The following LGALS9 variants were observed in gnomAD, a reference collection of about 807,000 sequenced individuals.
LGALS9 encodes galectin-9.
A neutral mutation model predicts 35.9 loss-of-function variants in LGALS9; 26 were observed. The observed-to-expected ratio is 0.72, with a 90% CI of 0.53 to 1.01. The LOEUF is 1.01. Ranked by LOEUF, LGALS9 falls within the 50% of genes least tolerant of loss-of-function variation. The pLI, the probability that LGALS9 is intolerant of heterozygous loss-of-function variation, is 0.00. For synonymous variants in LGALS9, 149 were observed against 172.2 expected, an observed-to-expected ratio of 0.87 and a Z score of 1.06; for missense variants, 347 against 445.8, an observed-to-expected ratio of 0.78 and a Z score of 1.99.
chr17:27,642,662 C>A (rs1042782003), intron 4 of LGALS9, among the ~76,000 whole-genome samples: 6 of 151,958 alleles, frequency 3.9e-5, no homozygotes, highest in African/African-American at 1.5e-4. Flanking sequence ...GCTCAAGAAC[C>A]AAACTGAATC....
At chr17:27,638,095 A>C (rs2074474158) in intron 1 of LGALS9, among the ~76,000 whole-genome samples, 168 bp from the exon 2 acceptor site, 1 of 151,850 alleles carries the variant, frequency 6.6e-6, no homozygotes. Flanking sequence ...TTGCCTCCAC[A>C]CAGGACCCTA....
Position 27,647,415 on chromosome 17 carries a change from C to T in LGALS9, c.904C>T (p.Arg302Cys), listed in dbSNP as rs199922464. 4.0e-5 allele frequency: 65 copies of T among 1,614,016 alleles called. No homozygotes were observed. The highest frequency in any genetic ancestry group is 1.6e-4 in the Middle Eastern group (1 of 6,084). ...RSLPRKMPFV[R>C]GQSFSVWILC... The stretch of plus-strand genomic sequence containing the variant: ...TCTGCCCCGAAAAATGCCCTTCGTC[C>T]GTGGCCAGAGCTTCTCAGTAAGGCA... Residue 302 changes from arginine to cysteine, a missense_variant, in exon 10 of 11, where the codon CGT becomes TGT. Transcript: ENST00000395473.
chr17:27,649,042 A>C lies in LGALS9; in HGVS notation c.*60A>C. 1 of 1,609,780 alleles carries C rather than the reference A, an allele frequency of 6.2e-7. No individual in the cohort carries two copies. Among genetic ancestry groups the C allele is most frequent in the Non-Finnish European group, 8.5e-7 (1 of 1,177,318 alleles). Reference sequence around the variant, plus strand: ...GTGGGGCAGTCTGGGTCCTCTCATCATCCCCACTTCCCAGGCCCAGCCTTT... The same window carrying C: ...GTGGGGCAGTCTGGGTCCTCTCATCCTCCCCACTTCCCAGGCCCAGCCTTT... On this transcript the variant is annotated 3_prime_UTR_variant, in exon 11 of 11. Transcript: ENST00000395473.
At chr17:27,632,958 G>C (rs950301567) in intron 1 of LGALS9, among the ~76,000 whole-genome samples, 1 of 152,154 alleles carries the variant, frequency 6.6e-6, no homozygotes, top group Admixed American at 6.5e-5. Context: ...TGAGTGCCAT[G>C]AGGGCCTGGC....
Position 27,637,791 on chromosome 17 carries a change from G to A in LGALS9, c.40-472G>A, listed in dbSNP as rs2074469970. Among the ~76,000 whole-genome samples, 3 of 152,202 alleles carry A rather than the reference G, an allele frequency of 2.0e-5. No homozygotes were observed. The South Asian group carries it at 6.2e-4, about 31-fold the overall frequency. Reference sequence around the variant, plus strand: ...AAGGTTTACCCTCCAGACCCTTGATGGGTCCCTTTGGTCCCTTGGGCTTCC... The same window carrying A: ...AAGGTTTACCCTCCAGACCCTTGATAGGTCCCTTTGGTCCCTTGGGCTTCC... On this transcript the variant is annotated intron_variant, in intron 1 of 10. Transcript: ENST00000395473.
rs1027366316 is a variant in LGALS9 at position 27,643,728 on chromosome 17, C to A, written c.540+108C>A. ...GCCACTCAGGGCCTACAGGCCGCAT[C>A]TTGCCCACCCAAGAGTTCCCTGTCT... On this transcript the variant is annotated intron_variant, in intron 5 of 10. Transcript: ENST00000395473. 1.1e-5 allele frequency: 16 copies of A among 1,455,570 alleles called. No homozygotes were observed. The African/African-American group carries it at 2.3e-4, about 21-fold the overall frequency. 90.2% of individuals were successfully genotyped at this position (1,455,570 alleles called of 1,614,324 possible).
Position 27,631,292 on chromosome 17 carries a change from C to T in LGALS9, c.27C>T (p.Pro9=), listed in dbSNP as rs1474001413. 1.2e-6 allele frequency: 2 copies of T among 1,614,200 alleles called. No homozygotes were observed. Among genetic ancestry groups the T allele is most frequent in the Non-Finnish European group, 1.7e-6 (2 of 1,180,030 alleles). The stretch of plus-strand genomic sequence containing the variant: ...TGGCCTTCAGCGGTTCCCAGGCTCC[C>T]TACCTGAGTCCAGTGAGTTCCAGGG... MAFSGSQA[P]YLSPAVPFSG... Residue 9 remains proline, a synonymous_variant, in exon 1 of 11, where the codon CCC becomes CCT. Coordinates refer to ENST00000395473, the MANE Select transcript of LGALS9 (RefSeq NM_009587.3).
intron 1 of LGALS9, 77 bp downstream of exon 1, chr17:27,631,381 T>G: frequency 4.4e-6 from 7 of 1,593,374 alleles, no homozygotes; most frequent in African/African-American, 1.3e-5. Context: ...AAGCAACTCC[T>G]GGGTGGCAGG....
intron 2 of LGALS9, chr17:27,638,651 T>G (rs1162180275): frequency 8.0e-6 from 3 of 375,826 alleles, no homozygotes; most frequent in South Asian, 2.5e-5. Context: ...CCTTGCACAC[T>G]GTGACTAAGA....
intron 3 of LGALS9, chr17:27,641,030 G>A (rs1008108387): frequency 1.4e-6 from 1 of 691,078 alleles, no homozygotes; most frequent in Admixed American, 2.1e-5. Context: ...GCTATTTGGT[G>A]TTGTGTGTCT....
intron 2 of LGALS9, among the ~76,000 whole-genome samples, chr17:27,639,656 A>T (rs1479804775): frequency 6.6e-6 from 1 of 152,100 alleles, no homozygotes; most frequent in African/African-American, 2.4e-5. Context: ...TGCAGCCTCA[A>T]ATTCCTGGGC....
chr17:27,649,316 C>T lies in LGALS9; in HGVS notation c.*334C>T. The T allele has an allele frequency of 2.8e-5, 11 of 391,072 alleles. No individual in the cohort carries two copies. Among genetic ancestry groups the T allele is most frequent in the South Asian group, 2.4e-4 (10 of 41,024 alleles). 24.2% of individuals were successfully genotyped at this position (391,072 alleles called of 1,614,324 possible). Reference sequence around the variant, plus strand: ...GTCCCCTCCCATCCCCCACGCAGCTCCACCCCAGTCCCAAGCCACCAGCTG... The same window carrying T: ...GTCCCCTCCCATCCCCCACGCAGCTTCACCCCAGTCCCAAGCCACCAGCTG... On this transcript the variant is annotated 3_prime_UTR_variant, in exon 11 of 11. Transcript: ENST00000395473.
intron 1 of LGALS9, 64 bp downstream of exon 1, chr17:27,631,368 A>T (rs2074391348): frequency 6.2e-7 from 1 of 1,607,402 alleles, no homozygotes; most frequent in African/African-American, 1.3e-5. Context: ...TGGGGCTCTG[A>T]GGAAGCAACT....
intron 1 of LGALS9, among the ~76,000 whole-genome samples, chr17:27,634,274 C>G (rs1411079442): frequency 6.6e-6 from 1 of 152,202 alleles, no homozygotes; most frequent in Non-Finnish European, 1.5e-5. Context: ...TTTGGCTGGG[C>G]CCAGTGGCTC....
intron 7 of LGALS9, 23 bp from the exon 8 acceptor site, chr17:27,646,524 A>G (rs1453660977): frequency 6.2e-7 from 1 of 1,611,694 alleles, no homozygotes; most frequent in Non-Finnish European, 8.5e-7. Flanking sequence ...CTCCCATTGA[A>G]TTTCCTGGTT....
At chr17:27,645,138 G>C (rs1228463686) in intron 5 of LGALS9, 176 bp from the exon 6 acceptor site, 11 of 1,291,376 alleles carry the variant, frequency 8.5e-6, no homozygotes, top group Admixed American at 7.7e-5. Flanking sequence ...TGTACACCTG[G>C]GGGTAAAAAT....
intron 1 of LGALS9, among the ~76,000 whole-genome samples, chr17:27,632,132 C>T (rs1207036579): frequency 1.3e-5 from 2 of 152,006 alleles, no homozygotes; most frequent in Non-Finnish European, 2.9e-5. Flanking sequence ...GAGTGGCAGC[C>T]CCAGGAGCCC....
At chr17:27,643,692 C>G in intron 5 of LGALS9, 72 bp downstream of exon 5, 2 of 1,509,182 alleles carry the variant, frequency 1.3e-6, no homozygotes, top group South Asian at 2.7e-5. Flanking sequence ...GAGGCTGGCC[C>G]CAGCCAGCAG....
intron 4 of LGALS9, among the ~76,000 whole-genome samples, chr17:27,643,187 T>G (rs1412977872): frequency 6.6e-6 from 1 of 152,242 alleles, no homozygotes; most frequent in Non-Finnish European, 1.5e-5. Flanking sequence ...GCTGTTACCC[T>G]TTTGGCATTC....
Sources: allele counts gnomAD v4.1 joint callset (sites outside exome capture counted in the v4.1 genomes callset), GRCh38; gene constraint gnomAD v4.1.1; transcripts MANE v1.5; gene names NCBI Gene and HGNC (gene_info 2026-07-23, HGNC 2026-07-21).